The following B4GALNT2 variants were observed in gnomAD, a reference collection of about 807,000 sequenced individuals.
The protein encoded by B4GALNT2 is beta-1,4-N-acetyl-galactosaminyltransferase 2 (SID blood group).
In B4GALNT2, 42 loss-of-function variants were observed where a neutral mutation model predicts 51.1. The observed-to-expected ratio is 0.82, with a 90% CI of 0.64 to 1.06. The LOEUF (loss-of-function observed/expected upper bound fraction) is 1.06. Ranked by LOEUF, B4GALNT2 falls within the 50% of genes least tolerant of loss-of-function variation. B4GALNT2 has a pLI of 0.00. For missense variants in B4GALNT2, 602 were observed against 633.6 expected, an observed-to-expected ratio of 0.95 and a Z score of 0.54; for synonymous variants, 253 against 251.7, an observed-to-expected ratio of 1.01 and a Z score of -0.05.
At chr17:49,135,572 T>G (rs983301349) in intron 1 of B4GALNT2, among the ~76,000 whole-genome samples, 1 of 152,036 alleles carries the variant, frequency 6.6e-6, no homozygotes, top group African/African-American at 2.4e-5. Context: ...CTTCTTATTT[T>G]TAATATCTTC....
intron 3 of B4GALNT2, among the ~76,000 whole-genome samples, chr17:49,142,613 G>A (rs2042655244): frequency 6.6e-6 from 1 of 152,046 alleles, no homozygotes. Flanking sequence ...GATCACTTGA[G>A]CCCAGGAAGT....
At chr17:49,133,341 C>T in intron 1 of B4GALNT2, 1 of 1,209,180 alleles carries the variant, frequency 8.3e-7, no homozygotes, top group South Asian at 1.9e-5. Flanking sequence ...CAGGCGCCCA[C>T]CGCAGGGCAG....
intron 7 of B4GALNT2, among the ~76,000 whole-genome samples, chr17:49,162,435 T>C (rs2144331968): frequency 6.6e-6 from 1 of 152,280 alleles, no homozygotes; most frequent in South Asian, 2.1e-4. Flanking sequence ...AAAAACAGCA[T>C]ATCAACTGTG....
In B4GALNT2 at chr17:49,132,802, G is replaced by A. The variant is rs2042551104; in HGVS notation, c.10G>A (p.Gly4Ser). Residue 4 changes from glycine (G) to serine (S), a missense_variant, in exon 1 of 11, where the codon GGC (glycine) becomes AGC (serine). Transcript: ENST00000393354. ...GGCGGCGGGATTCGGGATGACTTCG[G>A]GCGGGTGAGTGTCCCCGGGGCAGAG... MTS[G>S]GSRFLWLLKI... 1 of 1,377,922 alleles carries A rather than the reference G, an allele frequency of 7.3e-7. No homozygotes were observed. Among genetic ancestry groups the A allele is most frequent in the Non-Finnish European group, 9.4e-7 (1 of 1,064,304 alleles). 85.4% of individuals were successfully genotyped at this position (1,377,922 alleles called of 1,614,324 possible).
rs1271810210 is a variant in B4GALNT2 at position 49,141,457 on chromosome 17, T to G, written c.215+10T>G. ...CCTACGATGGAATCTGGTGAGAGAC[T>G]GCGTGTTCTTTCTTTCACCTTAATG... On this transcript the variant is annotated intron_variant, in intron 2 of 10. Coordinates refer to ENST00000393354, the MANE Select transcript of B4GALNT2 (RefSeq NM_001159387.2). 3 of 1,612,418 alleles carry G rather than the reference T, an allele frequency of 1.9e-6. No individual in the cohort carries two copies. The South Asian group carries it at 3.3e-5, about 18-fold the overall frequency.
chr17:49,124,839 C>T, the B4GALNT2 span, among the ~76,000 whole-genome samples: 1 of 152,084 alleles, frequency 6.6e-6, no homozygotes, highest in East Asian at 1.9e-4. Context: ...TAAGAGAAAC[C>T]TGTTGTGCTT....
chr17:49,155,092 T>C (rs1041449115), intron 4 of B4GALNT2, among the ~76,000 whole-genome samples: 5 of 151,948 alleles, frequency 3.3e-5, no homozygotes, highest in African/African-American at 9.7e-5. Context: ...ATGGATCACT[T>C]GAGGTCAGGA....
the B4GALNT2 span, among the ~76,000 whole-genome samples, chr17:49,126,131 A>G: frequency 3.2e-4 from 48 of 152,158 alleles, no homozygotes; most frequent in African/African-American, 1.0e-3. Context: ...AGACATGGGA[A>G]ACTTTTCATT....
Position 49,141,830 on chromosome 17 carries a change from C to G in B4GALNT2, c.216-205C>G, listed in dbSNP as rs186921362. On this transcript the variant is annotated intron_variant, in intron 2 of 10. Coordinates refer to ENST00000393354, the MANE Select transcript of B4GALNT2 (RefSeq NM_001159387.2). ...CAAGAGAGGAAAAGTCTTCAGCCTT[C>G]CTCTGTCCCTGCTTCCCTCCCTTTG... 4.7e-3 allele frequency among the ~76,000 whole-genome samples: 716 copies of G among 152,218 alleles called. 5 individuals are homozygous for G. The highest frequency in any genetic ancestry group is 6.8e-3 in the Middle Eastern group (2 of 294).
At chr17:49,161,114 A>C (rs1049751249) in intron 7 of B4GALNT2, among the ~76,000 whole-genome samples, 1 of 152,064 alleles carries the variant, frequency 6.6e-6, no homozygotes, top group African/African-American at 2.4e-5. Flanking sequence ...ATCTCTACTA[A>C]AAATACACAA....
Position 49,171,453 on chromosome 17 carries a change from T to A in B4GALNT2, c.*1725T>A, listed in dbSNP as rs1224960302. ...TAATTTTGCAATATGCAAAGACAAG[T>A]TTGTAGAGTGTCCTTCTAGATGCTT... On this transcript the variant is annotated 3_prime_UTR_variant, in exon 11 of 11. Coordinates refer to ENST00000393354, the MANE Select transcript of B4GALNT2 (RefSeq NM_001159387.2). 7.4e-6 allele frequency: 3 copies of A among 407,024 alleles called. No individual in the cohort carries two copies. The highest frequency in any genetic ancestry group is 1.4e-5 in the Non-Finnish European group (3 of 212,232). 25.2% of individuals were successfully genotyped at this position (407,024 alleles called of 1,614,324 possible).
chr17:49,126,437 A>G, the B4GALNT2 span, among the ~76,000 whole-genome samples: 2 of 147,292 alleles, frequency 1.4e-5, no homozygotes, highest in Non-Finnish European at 3.0e-5. Flanking sequence ...CCTTCCCTCC[A>G]CTATTGTCCT....
upstream of B4GALNT2, chr17:49,132,361 T>G: frequency 5.5e-6 from 1 of 180,760 alleles, no homozygotes. Context: ...CCTGGGGTCT[T>G]TTGCCAGGAC....
At chr17:49,137,097 A>G (rs1411300559) in intron 1 of B4GALNT2, among the ~76,000 whole-genome samples, 1 of 152,208 alleles carries the variant, frequency 6.6e-6, no homozygotes. Flanking sequence ...ATTGACAAGA[A>G]AAGGAAAAAA....
intron 8 of B4GALNT2, among the ~76,000 whole-genome samples, chr17:49,165,021 C>A (rs1000262295): frequency 6.6e-6 from 1 of 151,914 alleles, no homozygotes; most frequent in Non-Finnish European, 1.5e-5. Flanking sequence ...ACTGTGTTGG[C>A]CAGGTTGGTC....
chr17:49,141,936 T>C (rs1161900545), intron 2 of B4GALNT2, 99 bp from the exon 3 acceptor site: 3 of 1,480,968 alleles, frequency 2.0e-6, no homozygotes, highest in Non-Finnish European at 2.8e-6. Context: ...GGAAAGAAGA[T>C]TTTCAGGGTA....
At chr17:49,142,790 C>T (rs2042657393) in intron 3 of B4GALNT2, among the ~76,000 whole-genome samples, 1 of 152,134 alleles carries the variant, frequency 6.6e-6, no homozygotes, top group Non-Finnish European at 1.5e-5. Context: ...TGCACCCAGG[C>T]CATCATAGCA....
intron 3 of B4GALNT2, among the ~76,000 whole-genome samples, chr17:49,143,117 C>T (rs1297579902): frequency 3.9e-5 from 6 of 152,060 alleles, no homozygotes; most frequent in East Asian, 1.9e-4. Context: ...GGCATGGTGA[C>T]GCACGCTTGT....
At position 49,169,704 on chromosome 17, in the gene B4GALNT2, G is replaced by GA; in HGVS notation, c.1499dup (p.Asn500LysfsTer11). The GA allele has an allele frequency of 6.3e-7, 1 of 1,593,324 alleles. No homozygotes were observed. The highest frequency in any genetic ancestry group is 1.1e-5 in the South Asian group (1 of 88,066). ...TCAAGCTGGCCCTCCACTACTTCAA[G>GA]AACCATCTCCAATGTGCCGCATAAA... On this transcript the variant is annotated frameshift_variant, in exon 11 of 11. Coordinates refer to ENST00000393354, the MANE Select transcript of B4GALNT2 (RefSeq NM_001159387.2). LOFTEE classifies it high-confidence loss of function.
Sources: gnomAD v4.1 joint callset for allele counts (sites outside exome capture counted in the v4.1 genomes callset) on GRCh38, gnomAD v4.1.1 for gene constraint, MANE v1.5 for transcripts, NCBI Gene and HGNC (gene_info 2026-07-23, HGNC 2026-07-21) for gene names.